The following TUB variants were observed in gnomAD, a reference collection of about 807,000 sequenced individuals.
TUB encodes the protein tubby protein homolog.
TUB carries 33 observed loss-of-function variants against 59.7 expected under a neutral mutation model. The observed-to-expected ratio is 0.55, with a 90% CI of 0.42 to 0.74. The LOEUF is 0.74. Among genes scored for constraint, TUB ranks in the 30% least tolerant of loss-of-function variants. The probability of loss-of-function intolerance (pLI) is 0.00; values close to 1 mark genes in which losing one functional copy is unlikely to be tolerated. For synonymous variants in TUB, 293 were observed against 256.4 expected, an observed-to-expected ratio of 1.14 and a Z score of -1.36; for missense variants, 659 against 672.0, an observed-to-expected ratio of 0.98 and a Z score of 0.21.
intron 2 of TUB, among the ~76,000 whole-genome samples, chr11:8,042,712 A>G (rs1036708353): frequency 3.9e-5 from 6 of 152,250 alleles, no homozygotes; most frequent in East Asian, 1.9e-4. Context: ...ATGACTAACA[A>G]TGTGCTTATG....
At position 8,045,015 on chromosome 11, in the gene TUB, A is replaced by G. The variant is rs77432079; in HGVS notation, c.203+5323A>G. ...TCCAAACTCTGTCATTTAGGGTTTT[A>G]TGGAGGTCCTGTTACATAGGTACAA... is the stretch of plus-strand genomic sequence containing the variant. On this transcript the variant is annotated intron_variant, in intron 2 of 12. Transcript: ENST00000305253. 7.3e-3 allele frequency among the ~76,000 whole-genome samples: 1,108 copies of G among 152,302 alleles called. 16 individuals carry two copies. Among genetic ancestry groups the G allele is most frequent in the African/African-American group, 0.025 (1,053 of 41,568 alleles).
chr11:8,022,924 C>T (rs1942450527), intron 1 of TUB, among the ~76,000 whole-genome samples: 1 of 152,106 alleles, frequency 6.6e-6, no homozygotes, highest in Non-Finnish European at 1.5e-5. Context: ...ACAAAAAACA[C>T]ACAAACAAAA....
intron 9 of TUB, among the ~76,000 whole-genome samples, 172 bp downstream of exon 9, chr11:8,099,047 T>C (rs1237236520): frequency 6.6e-6 from 1 of 152,036 alleles, no homozygotes; most frequent in African/African-American, 2.4e-5. Context: ...GGCTCTCTCC[T>C]CCTGACTTCA....
intron 5 of TUB, 128 bp downstream of exon 5, chr11:8,095,793 A>G: frequency 9.5e-7 from 1 of 1,054,856 alleles, no homozygotes; most frequent in Non-Finnish European, 1.4e-6. Context: ...AGGGTGGGGC[A>G]CACTTCGGAG....
At chr11:8,053,796 C>G (rs369147492) in intron 2 of TUB, among the ~76,000 whole-genome samples, 1 of 149,184 alleles carries the variant, frequency 6.7e-6, no homozygotes, top group East Asian at 2.1e-4. Flanking sequence ...CCACCGTGCC[C>G]GGCCAATAAT....
exon 1 of TUB, chr11:8,038,728 C>T (rs1942688547): frequency 1.3e-6 from 2 of 1,494,562 alleles, no homozygotes; most frequent in East Asian, 4.6e-5. Context: ...GGTTGTTAGT[C>T]TGACTGTTGC....
chr11:8,055,049 C>T (rs1309267007), intron 2 of TUB, among the ~76,000 whole-genome samples: 1 of 152,170 alleles, frequency 6.6e-6, no homozygotes, highest in Admixed American at 6.5e-5. Context: ...CCCTGGAAAC[C>T]CCCTCAGCTA....
chr11:8,062,862 C>T (rs148277445), intron 2 of TUB, among the ~76,000 whole-genome samples: 2 of 152,192 alleles, frequency 1.3e-5, no homozygotes, highest in Non-Finnish European at 1.5e-5. Context: ...GCTCTGCCTA[C>T]AGGGCCACCT....
At chr11:8,082,769 T>G (rs1474044276) in intron 1 of TUB, among the ~76,000 whole-genome samples, 2 of 152,196 alleles carry the variant, frequency 1.3e-5, no homozygotes, top group African/African-American at 4.8e-5. Context: ...TAAAAGCAGA[T>G]CCTTCTGAAA....
chr11:8,026,620 A>G (rs1242108726), intron 1 of TUB, among the ~76,000 whole-genome samples: 2 of 152,168 alleles, frequency 1.3e-5, no homozygotes, highest in African/African-American at 2.4e-5. Flanking sequence ...ATCTTGATCT[A>G]TGTGTCTTTA....
chr11:8,041,066 GGAGT>G (rs2133733751), intron 2 of TUB, among the ~76,000 whole-genome samples: 1 of 152,322 alleles, frequency 6.6e-6, no homozygotes, highest in South Asian at 2.1e-4. Context: ...GGGCTTCTCA[GGAGT>G]GAGTAGTCCT....
upstream of TUB, among the ~76,000 whole-genome samples, chr11:8,034,015 C>A (rs935283357): frequency 1.3e-5 from 2 of 152,222 alleles, no homozygotes; most frequent in African/African-American, 4.8e-5. Context: ...GCATACCCGG[C>A]CTTGTCTGGG....
chr11:8,061,143 GTC>G (rs1943117517), intron 2 of TUB, among the ~76,000 whole-genome samples: 1 of 152,218 alleles, frequency 6.6e-6, no homozygotes. Context: ...TCTGTCCATT[GTC>G]TCTACAAATA....
At chr11:8,095,148 T>C (rs1028521467) in intron 4 of TUB, among the ~76,000 whole-genome samples, 8 of 152,342 alleles carry the variant, frequency 5.3e-5, no homozygotes, top group African/African-American at 1.2e-4. Context: ...CCATGAATGA[T>C]TGCTGGCCTT....
chr11:8,083,973 GC>G (rs1943619313), intron 1 of TUB, among the ~76,000 whole-genome samples: 1 of 152,196 alleles, frequency 6.6e-6, no homozygotes, highest in Non-Finnish European at 1.5e-5. Flanking sequence ...TGCAGTCAAA[GC>G]CACATGCTGT....
intron 3 of TUB, among the ~76,000 whole-genome samples, chr11:8,091,067 G>T (rs1332227107): frequency 6.6e-6 from 1 of 152,004 alleles, no homozygotes; most frequent in African/African-American, 2.4e-5. Flanking sequence ...AGCAGTCGTG[G>T]TGCTCCCCTC....
At chr11:8,063,934 G>A (rs528009313) in intron 2 of TUB, among the ~76,000 whole-genome samples, 15 of 152,206 alleles carry the variant, frequency 9.9e-5, no homozygotes, top group African/African-American at 2.9e-4. Context: ...GTGGTGTGGC[G>A]AGTTGTTTTA....
chr11:8,036,552 G>A (rs1326767747), upstream of TUB, among the ~76,000 whole-genome samples: 1 of 152,254 alleles, frequency 6.6e-6, no homozygotes, highest in East Asian at 1.9e-4. Flanking sequence ...AACTAGGACT[G>A]AAGGGAGGTG....
intron 2 of TUB, among the ~76,000 whole-genome samples, chr11:8,066,614 TCAG>T (rs2133787148): frequency 6.6e-6 from 1 of 152,284 alleles, no homozygotes; most frequent in East Asian, 1.9e-4. Context: ...GCAACACCGC[TCAG>T]CAGCTAGAGG....
Sources: gnomAD v4.1 joint callset for allele counts (sites outside exome capture counted in the v4.1 genomes callset) on GRCh38, gnomAD v4.1.1 for gene constraint, MANE v1.5 for transcripts, NCBI Gene and HGNC (gene_info 2026-07-23, HGNC 2026-07-21) for gene names.